Variants in GFOD1 observed in about 807,000 individuals in gnomAD.
GFOD1 encodes the protein Gfo/Idh/MocA-like oxidoreductase domain containing 1.
Under a neutral mutation model 25.4 loss-of-function variants are expected in GFOD1, and 9 were observed. That is an observed-to-expected ratio of 0.35 (90% CI 0.21 to 0.62). The LOEUF (loss-of-function observed/expected upper bound fraction) is 0.62. GFOD1 is among the 20% of genes least tolerant of loss of function. GFOD1 has a pLI of 0.72. For missense variants in GFOD1, 403 were observed against 556.9 expected (o/e 0.72, Z 2.78); for synonymous variants, 253 against 245.6 (o/e 1.03, Z -0.28).
intron 1 of GFOD1, among the ~76,000 whole-genome samples, chr6:13,448,841 A>AGCT (rs1389109116): frequency 1.3e-5 from 2 of 152,202 alleles, no homozygotes; most frequent in African/African-American, 4.8e-5. Flanking sequence ...CTGTTCTTAA[A>AGCT]GCTGCTGACT....
chr6:13,405,719 C>T (rs17618575), intron 1 of GFOD1, among the ~76,000 whole-genome samples: 2,209 of 152,288 alleles, frequency 0.015, 33 homozygotes, highest in Non-Finnish European at 0.024. Context: ...AAACTTAGAT[C>T]ATATTATTCC....
intron 1 of GFOD1, among the ~76,000 whole-genome samples, chr6:13,396,005 C>T (rs1244399784): frequency 6.6e-6 from 1 of 152,190 alleles, no homozygotes; most frequent in African/African-American, 2.4e-5. Flanking sequence ...CTATCATCTG[C>T]CCTTTCCAAA....
At position 13,364,352 on chromosome 6, in the gene GFOD1, GCCTTGACCTTGCAGAA is replaced by G. The variant is rs1784997767; in HGVS notation, c.*375_*390del. On this transcript the variant is annotated 3_prime_UTR_variant, in exon 2 of 2. Coordinates refer to ENST00000379287, the MANE Select transcript of GFOD1 (RefSeq NM_018988.4). The surrounding 1 kb of genome is among the most constrained non-coding windows in gnomAD (Gnocchi z 4.1). ...ACTGAGCTTGCCATCTGATACTAGT[GCCTTGACCTTGCAGAA>G]CCACTTGGCTTGCAGAAGGCCAAGG... The G allele has an allele frequency of 4.9e-6, 1 of 203,812 alleles. No individual in the cohort carries two copies. The highest frequency in any genetic ancestry group is 1.1e-4 in the South Asian group (1 of 9,298). 12.6% of individuals were successfully genotyped at this position (203,812 alleles called of 1,614,324 possible).
At chr6:13,454,371 A>G (rs2560762) in intron 1 of GFOD1, among the ~76,000 whole-genome samples, 66,662 of 152,114 alleles carry the variant, frequency 0.44, 17,312 homozygotes, top group Middle Eastern at 0.63. Flanking sequence ...AACTGCTAAA[A>G]GACATTAGCT....
chr6:13,392,984 C>T (rs550520934), intron 1 of GFOD1, among the ~76,000 whole-genome samples: 4 of 151,994 alleles, frequency 2.6e-5, no homozygotes, highest in Admixed American at 2.6e-4. Flanking sequence ...ATTGCTTGAG[C>T]CCAGGACTTC....
chr6:13,452,553 G>A (rs997499632), intron 1 of GFOD1, among the ~76,000 whole-genome samples: 11 of 152,278 alleles, frequency 7.2e-5, no homozygotes, highest in South Asian at 4.1e-4. Flanking sequence ...TACAGGGGGC[G>A]CCTTCTCGCT....
At chr6:13,460,178 G>T (rs1758267499) in intron 1 of GFOD1, among the ~76,000 whole-genome samples, 1 of 152,082 alleles carries the variant, frequency 6.6e-6, no homozygotes, top group South Asian at 2.1e-4. Context: ...TGCCGGCAAG[G>T]CTGTGGAGAA....
chr6:13,408,122 A>G (rs1010762966), intron 1 of GFOD1: 20 of 984,498 alleles, frequency 2.0e-5, no homozygotes, highest in Middle Eastern at 5.2e-4. Context: ...TCCTCCACAT[A>G]GAGTCTTTAT....
Position 13,382,658 on chromosome 6 carries a change from TA to T in GFOD1, c.254-16997del, listed in dbSNP as rs34103365. Among the ~76,000 whole-genome samples, 10 of 152,106 alleles carry T rather than the reference TA, an allele frequency of 6.6e-5. No individual in the cohort carries two copies. The South Asian group carries it at 1.0e-3, about 16-fold the overall frequency. ...GTAACCATTTAACCCCACAGACTTTTAAAAAAAAATTTTATTTTAAGTTCCA... is the reference window on the plus strand; with the variant it reads ...GTAACCATTTAACCCCACAGACTTTTAAAAAAAATTTTATTTTAAGTTCCA... On this transcript the variant is annotated intron_variant, in intron 1 of 1. Transcript: ENST00000379287.
chr6:13,441,362 T>G (rs1256974118), intron 1 of GFOD1, among the ~76,000 whole-genome samples: 1 of 152,236 alleles, frequency 6.6e-6, no homozygotes, highest in Non-Finnish European at 1.5e-5. Context: ...CTGAGATCAT[T>G]GCAAGTGATA....
chr6:13,459,320 C>T (rs1360083870), intron 1 of GFOD1, among the ~76,000 whole-genome samples: 2 of 149,274 alleles, frequency 1.3e-5, no homozygotes, highest in African/African-American at 5.0e-5. Flanking sequence ...AAAACTGAAA[C>T]TGGACCCCTT....
chr6:13,423,434 A>T (rs1384114667), intron 1 of GFOD1, among the ~76,000 whole-genome samples: 1 of 152,182 alleles, frequency 6.6e-6, no homozygotes, highest in African/African-American at 2.4e-5. Flanking sequence ...CCCAGCATTG[A>T]GGCCAGATTC....
intron 1 of GFOD1, among the ~76,000 whole-genome samples, chr6:13,439,947 C>G (rs1328501880): frequency 6.6e-6 from 1 of 152,172 alleles, no homozygotes; most frequent in Non-Finnish European, 1.5e-5. Flanking sequence ...AGACTAAGAA[C>G]CACTGCACAA....
intron 1 of GFOD1, among the ~76,000 whole-genome samples, chr6:13,399,780 C>T (rs1292887364): frequency 6.6e-6 from 1 of 152,256 alleles, no homozygotes; most frequent in East Asian, 1.9e-4. Context: ...GGCAACTATC[C>T]GGAATGATTG....
intron 1 of GFOD1, among the ~76,000 whole-genome samples, chr6:13,371,534 C>T (rs1785154911): frequency 6.6e-6 from 1 of 152,218 alleles, no homozygotes; most frequent in Non-Finnish European, 1.5e-5. Flanking sequence ...AGATAAAAAT[C>T]ATGCTGCAGA....
At chr6:13,417,830 G>A (rs1456846208) in intron 1 of GFOD1, among the ~76,000 whole-genome samples, 1 of 152,218 alleles carries the variant, frequency 6.6e-6, no homozygotes, top group Non-Finnish European at 1.5e-5. Flanking sequence ...AACAATGCAT[G>A]TCTGGGTTCA....
At chr6:13,406,466 C>G (rs1354105303) in intron 1 of GFOD1, among the ~76,000 whole-genome samples, 1 of 152,024 alleles carries the variant, frequency 6.6e-6, no homozygotes, top group Non-Finnish European at 1.5e-5. Flanking sequence ...CGCCTGTATT[C>G]ACGTTAGGAC....
chr6:13,370,343 T>C (rs1188106362), intron 1 of GFOD1, among the ~76,000 whole-genome samples: 1 of 152,210 alleles, frequency 6.6e-6, no homozygotes, highest in African/African-American at 2.4e-5. Context: ...CATGCACGGA[T>C]CCCCTCCGGT....
chr6:13,401,962 A>G (rs1785854692), intron 1 of GFOD1, among the ~76,000 whole-genome samples: 1 of 152,256 alleles, frequency 6.6e-6, no homozygotes, highest in Non-Finnish European at 1.5e-5. Context: ...AGTAATCATG[A>G]TGGTGTACTA....
Sources: gnomAD v4.1 joint callset for allele counts (sites outside exome capture counted in the v4.1 genomes callset) on GRCh38, gnomAD v4.1.1 for gene constraint, Gnocchi (gnomAD v3.1) non-coding constraint, MANE v1.5 for transcripts, NCBI Gene and HGNC (gene_info 2026-07-23, HGNC 2026-07-21) for gene names.